Variants in AJAP1 observed in about 807,000 individuals in gnomAD.
AJAP1 encodes adherens junctions associated protein 1.
A neutral mutation model predicts 35.0 loss-of-function variants in AJAP1; 5 were observed. The ratio of observed to expected loss-of-function variants is 0.14; its 90% CI spans 0.07 to 0.30. AJAP1 has a LOEUF of 0.30. Among genes scored for constraint, AJAP1 ranks in the 10% least tolerant of loss-of-function variants. The pLI, the probability that AJAP1 is intolerant of heterozygous loss-of-function variation, is 1.00. For synonymous variants in AJAP1, 284 were observed against 249.3 expected (o/e 1.14, Z -1.31); for missense variants, 586 against 571.0 (o/e 1.03, Z -0.27).
In AJAP1 at chr1:4,782,088, CT is replaced by C. The variant is rs1276199668; in HGVS notation, c.*60-455del. On this transcript the variant is annotated intron_variant, in intron 5 of 5. Coordinates refer to ENST00000378191, the MANE Select transcript of AJAP1 (RefSeq NM_018836.4). This position sits in a 1 kb window ranked among gnomAD's most constrained non-coding sequence, Gnocchi z 5.3. ...TAGTGGACAGAAACAGACTCCCATT[CT>C]TCCCGCAGCACAGGAGTGGAGCAGG... is the stretch of plus-strand genomic sequence containing the variant. Among the ~76,000 whole-genome samples the C allele has an allele frequency of 3.9e-5, 6 of 152,180 alleles. No homozygotes were observed. Among genetic ancestry groups the C allele is most frequent in the Non-Finnish European group, 8.8e-5 (6 of 68,020 alleles).
rs188557960 is a variant in AJAP1, at chr1:4,737,093, G to A, written c.829+24394G>A. Among the ~76,000 whole-genome samples the A allele has an allele frequency of 4.4e-3, 674 of 152,290 alleles. 9 individuals are homozygous for A. Among genetic ancestry groups the A allele is most frequent in the African/African-American group, 0.015 (625 of 41,566 alleles). ...CATTGGGCAAAGTGGGAATTATTACGCCTGTTTGCAGCATCGCGAGCAAAG... is the reference window on the plus strand; with the variant it reads ...CATTGGGCAAAGTGGGAATTATTACACCTGTTTGCAGCATCGCGAGCAAAG... On this transcript the variant is annotated intron_variant, in intron 2 of 5. Coordinates refer to ENST00000378191, the MANE Select transcript of AJAP1 (RefSeq NM_018836.4).
intron 2 of AJAP1, among the ~76,000 whole-genome samples, chr1:4,768,445 A>G (rs1641742805): frequency 2.6e-5 from 4 of 152,372 alleles, no homozygotes; most frequent in African/African-American, 7.2e-5. Context: ...TTAATCATTT[A>G]TGAACAATTT....
Position 4,782,321 on chromosome 1 carries a change from C to T in AJAP1, c.*60-224C>T, listed in dbSNP as rs962741708. ...CAAGGTTCAGGCTCCCACTTCATAC[C>T]CTTGGGATTCCCAGTGTTTCTTCCA... is the stretch of plus-strand genomic sequence containing the variant. On this transcript the variant is annotated intron_variant, in intron 5 of 5. Transcript: ENST00000378191. The surrounding 1 kb of genome is among the most constrained non-coding windows in gnomAD (Gnocchi z 5.3). Among the ~76,000 whole-genome samples the T allele has an allele frequency of 6.6e-6, 1 of 152,096 alleles. No homozygotes were observed. Among genetic ancestry groups the T allele is most frequent in the Non-Finnish European group, 1.5e-5 (1 of 67,994 alleles).
rs1280377888 is a variant in AJAP1, at chr1:4,791,307, C to G, written c.*8822C>G. On this transcript the variant is annotated 3_prime_UTR_variant, in exon 6 of 6. Coordinates refer to ENST00000378191, the MANE Select transcript of AJAP1 (RefSeq NM_018836.4). ...GAAGCTTGAGGCCATGCATTGATAA[C>G]ATTTTTAGAGTCTGTTACATTATTT... The G allele has an allele frequency of 6.6e-6, 1 of 152,220 alleles. No homozygotes were observed. The highest frequency in any genetic ancestry group is 1.5e-5 in the Non-Finnish European group (1 of 68,042). 9.4% of individuals were successfully genotyped at this position (152,220 alleles called of 1,614,324 possible).
chr1:4,705,186 G>T (rs1640073268), intron 1 of AJAP1, among the ~76,000 whole-genome samples: 2 of 152,170 alleles, frequency 1.3e-5, no homozygotes, highest in Admixed American at 1.3e-4. Flanking sequence ...CTAGCCATAT[G>T]TAGAAAGCTG....
At chr1:4,704,131 G>A (rs1640048638) in intron 1 of AJAP1, among the ~76,000 whole-genome samples, 1 of 150,794 alleles carries the variant, frequency 6.6e-6, no homozygotes, top group Non-Finnish European at 1.5e-5. Flanking sequence ...GCTCCCTCCT[G>A]TCTGTTCCAG....
intron 2 of AJAP1, among the ~76,000 whole-genome samples, chr1:4,744,669 G>A (rs145676981): frequency 0.013 from 1,903 of 150,796 alleles, 44 homozygotes; most frequent in African/African-American, 0.044. Flanking sequence ...GCCCAAGCAC[G>A]CCCACCCTCA....
At chr1:4,739,332 T>C (rs1641003513) in intron 2 of AJAP1, among the ~76,000 whole-genome samples, 1 of 152,134 alleles carries the variant, frequency 6.6e-6, no homozygotes, top group African/African-American at 2.4e-5. Context: ...CCTTGGAAAG[T>C]GGGTCCGTCC....
In AJAP1 at chr1:4,788,923, G is replaced by T. The variant is rs1321135600; in HGVS notation, c.*6438G>T. On this transcript the variant is annotated 3_prime_UTR_variant, in exon 6 of 6. Coordinates refer to ENST00000378191, the MANE Select transcript of AJAP1 (RefSeq NM_018836.4). ...CATTGTAAAGGTGACTGAAGAGAAT[G>T]GTCAACTCGGTGGTGATGGGCCTGT... 2.0e-5 allele frequency: 3 copies of T among 152,162 alleles called. No individual in the cohort carries two copies. In the South Asian group the frequency reaches 6.2e-4, roughly 32 times the overall value. The allele number at this position is 152,162 out of a possible 1,614,324, so 9.4% of individuals were successfully genotyped here. A position where few individuals can be genotyped will look rare whatever the true frequency, so the allele number is the denominator to read the frequency against.
intron 2 of AJAP1, among the ~76,000 whole-genome samples, chr1:4,748,435 GT>G (rs1641243256): frequency 6.6e-6 from 1 of 152,138 alleles, no homozygotes; most frequent in African/African-American, 2.4e-5. Flanking sequence ...TAGTCACGAC[GT>G]TGTGGTCCTC....
At chr1:4,697,650 G>A (rs531653505) in intron 1 of AJAP1, among the ~76,000 whole-genome samples, 1 of 152,354 alleles carries the variant, frequency 6.6e-6, no homozygotes, top group African/African-American at 2.4e-5. Flanking sequence ...TAGTGACCTT[G>A]GGCAGGTGCG....
At chr1:4,705,431 A>ATTTTTT in intron 1 of AJAP1, among the ~76,000 whole-genome samples, 1 of 45,114 alleles carries the variant, frequency 2.2e-5, no homozygotes, top group South Asian at 7.1e-4. Flanking sequence ...TTTTTTTTTA[A>ATTTTTT]TGAGTACTCC....
chr1:4,694,527 C>T (rs925522388), intron 1 of AJAP1, among the ~76,000 whole-genome samples: 3 of 152,230 alleles, frequency 2.0e-5, no homozygotes, highest in African/African-American at 7.2e-5. Flanking sequence ...TCTCCTGGAG[C>T]ATAAACTCCC....
chr1:4,767,786 G>A (rs115988859), intron 2 of AJAP1, among the ~76,000 whole-genome samples: 164 of 151,154 alleles, frequency 1.1e-3, no homozygotes, highest in Non-Finnish European at 2.0e-3. Context: ...CACAGACACC[G>A]GATGAGCACA....
chr1:4,721,320 A>G (rs1381562208), intron 2 of AJAP1, among the ~76,000 whole-genome samples: 1 of 152,178 alleles, frequency 6.6e-6, no homozygotes, highest in African/African-American at 2.4e-5. Flanking sequence ...TTCCGCCTGA[A>G]GCATCAGGAT....
intron 1 of AJAP1, among the ~76,000 whole-genome samples, chr1:4,683,082 T>C (rs1327717818): frequency 6.6e-6 from 1 of 152,234 alleles, no homozygotes; most frequent in Non-Finnish European, 1.5e-5. Flanking sequence ...GCACTCTTAA[T>C]GGCAAGAGTC....
At position 4,789,849 on chromosome 1, in the gene AJAP1, CACTGCTAAT is replaced by C. The variant is rs3215485; in HGVS notation, c.*7367_*7375del. 0.078 allele frequency: 11,899 copies of C among 152,360 alleles called. 540 individuals are homozygous for C. The highest frequency in any genetic ancestry group is 0.2 in the Middle Eastern group (60 of 294). The allele number at this position is 152,360 out of a possible 1,614,324, so 9.4% of individuals were successfully genotyped here. On this transcript the variant is annotated 3_prime_UTR_variant, in exon 6 of 6. Coordinates refer to ENST00000378191, the MANE Select transcript of AJAP1 (RefSeq NM_018836.4). This position sits in a 1 kb window ranked among gnomAD's most constrained non-coding sequence, Gnocchi z 4.4. ...ATTATGTACGATGAAGACTTACAGC[CACTGCTAAT>C]ACAGCATAGGGGACACTTTGAGGAG...
At chr1:4,776,468 A>C (rs1641942141) in intron 5 of AJAP1, among the ~76,000 whole-genome samples, 1 of 152,208 alleles carries the variant, frequency 6.6e-6, no homozygotes, top group Admixed American at 6.5e-5. Context: ...GCTCCGGGAC[A>C]TCCCCTGCCT....
intron 1 of AJAP1, among the ~76,000 whole-genome samples, chr1:4,677,907 A>T (rs974728121): frequency 6.6e-6 from 1 of 152,250 alleles, no homozygotes; most frequent in African/African-American, 2.4e-5. Flanking sequence ...TTCGTAAAAC[A>T]TATAAATATC....
Sources: gnomAD v4.1 joint callset for allele counts (sites outside exome capture counted in the v4.1 genomes callset) on GRCh38, gnomAD v4.1.1 for gene constraint, Gnocchi (gnomAD v3.1) non-coding constraint, MANE v1.5 for transcripts, NCBI Gene and HGNC (gene_info 2026-07-23, HGNC 2026-07-21) for gene names.